The following ANKS1B variants were observed in gnomAD, a reference collection of about 807,000 sequenced individuals.
ANKS1B encodes ankyrin repeat and sterile alpha motif domain-containing protein 1B.
In ANKS1B, 36 loss-of-function variants were observed where a neutral mutation model predicts 148.3. The observed-to-expected ratio is 0.24, with a 90% CI of 0.19 to 0.32. ANKS1B has a LOEUF of 0.32. Ranked by LOEUF, ANKS1B falls within the 10% of genes least tolerant of loss-of-function variation. ANKS1B has a pLI of 1.00. For missense variants in ANKS1B, 1,157 were observed against 1,542.6 expected (o/e 0.75, Z 4.19); for synonymous variants, 542 against 560.8 (o/e 0.97, Z 0.47).
chr12:98,804,350 T>C (rs904311006), intron 20 of ANKS1B, among the ~76,000 whole-genome samples: 8 of 152,018 alleles, frequency 5.3e-5, no homozygotes, highest in Non-Finnish European at 8.8e-5. Flanking sequence ...GTTCTTAAGA[T>C]TGAATTTATT....
At chr12:99,244,489 T>G (rs1213326775) in intron 13 of ANKS1B, 75 bp from the exon 14 acceptor site, 10 of 991,124 alleles carry the variant, frequency 1.0e-5, no homozygotes, top group Non-Finnish European at 1.2e-5. Flanking sequence ...AAGTTTCAAA[T>G]GAAGGGAGCA....
intron 12 of ANKS1B, among the ~76,000 whole-genome samples, chr12:99,260,451 T>G (rs2075802934): frequency 6.6e-6 from 1 of 152,182 alleles, no homozygotes; most frequent in South Asian, 2.1e-4. Flanking sequence ...GCCTAGATTT[T>G]TCTCATACGT....
At chr12:99,525,424 TG>T (rs1268304344) in intron 9 of ANKS1B, among the ~76,000 whole-genome samples, 2 of 152,188 alleles carry the variant, frequency 1.3e-5, no homozygotes, top group Non-Finnish European at 2.9e-5. Flanking sequence ...GTTATCAATT[TG>T]AAAAGAGAAA....
At chr12:99,648,971 G>C (rs935924988) in intron 9 of ANKS1B, among the ~76,000 whole-genome samples, 6 of 152,270 alleles carry the variant, frequency 3.9e-5, no homozygotes, top group African/African-American at 1.4e-4. Context: ...TGCTTCTCCA[G>C]GGTTCTCCAA....
At chr12:99,385,200 G>T (rs2093808377) in intron 12 of ANKS1B, among the ~76,000 whole-genome samples, 1 of 152,208 alleles carries the variant, frequency 6.6e-6, no homozygotes, top group South Asian at 2.1e-4. Context: ...TGAGTGTAGT[G>T]GCTCACGCCT....
chr12:99,934,617 G>C (rs947215335), intron 1 of ANKS1B, among the ~76,000 whole-genome samples: 1 of 152,062 alleles, frequency 6.6e-6, no homozygotes, highest in African/African-American at 2.4e-5. Flanking sequence ...CATAATGTCT[G>C]TTTTTTCATC....
Position 99,251,893 on chromosome 12 carries a change from G to A in ANKS1B, c.1757-5029C>T, listed in dbSNP as rs187878815. Among the ~76,000 whole-genome samples the A allele has an allele frequency of 7.2e-5, 11 of 152,170 alleles. 1 individual carries two copies. Among genetic ancestry groups the A allele is most frequent in the African/African-American group, 1.4e-4 (6 of 41,520 alleles). ...TTTATTTCACAAATATGTATAAAAC[G>A]TTTCCTGTATATCAGGTGGCAAAGT... is the stretch of plus-strand genomic sequence containing the variant. On this transcript the variant is annotated intron_variant, in intron 12 of 26. Transcript: ENST00000683438.
At chr12:99,208,889 G>A (rs901217305) in intron 14 of ANKS1B, among the ~76,000 whole-genome samples, 4 of 152,002 alleles carry the variant, frequency 2.6e-5, no homozygotes, top group Admixed American at 1.3e-4. Context: ...ATACTTTTGT[G>A]AACAAAAGTT....
chr12:99,308,692 A>T (rs963082728), intron 12 of ANKS1B, among the ~76,000 whole-genome samples: 6 of 151,852 alleles, frequency 4.0e-5, no homozygotes, highest in Admixed American at 2.6e-4. Context: ...TATACTGTAA[A>T]TTGAGAGATG....
chr12:99,916,027 G>A (rs1448751509), intron 1 of ANKS1B, among the ~76,000 whole-genome samples: 1 of 152,136 alleles, frequency 6.6e-6, no homozygotes, highest in Non-Finnish European at 1.5e-5. Flanking sequence ...ACCTACCCCA[G>A]TATGATCTCA....
chr12:99,266,834 A>G (rs1016003831), intron 12 of ANKS1B, among the ~76,000 whole-genome samples: 1 of 152,220 alleles, frequency 6.6e-6, no homozygotes, highest in Non-Finnish European at 1.5e-5. Flanking sequence ...CTAAATATTT[A>G]CTGCACAACT....
chr12:99,162,761 A>G (rs1183562887), intron 14 of ANKS1B, among the ~76,000 whole-genome samples: 2 of 152,162 alleles, frequency 1.3e-5, no homozygotes, highest in Non-Finnish European at 2.9e-5. Flanking sequence ...CTCATTTAAC[A>G]TCTTATAAAA....
chr12:99,531,544 T>A (rs2096990851), intron 9 of ANKS1B, among the ~76,000 whole-genome samples: 1 of 152,234 alleles, frequency 6.6e-6, no homozygotes, highest in African/African-American at 2.4e-5. Flanking sequence ...CATAATTTCA[T>A]TCTTTCTTAT....
intron 1 of ANKS1B, among the ~76,000 whole-genome samples, chr12:99,877,243 T>C (rs1302253317): frequency 1.3e-5 from 2 of 152,260 alleles, no homozygotes; most frequent in African/African-American, 4.8e-5. Flanking sequence ...CTTTTTCTAA[T>C]GTTGATTTGC....
intron 14 of ANKS1B, among the ~76,000 whole-genome samples, chr12:99,234,520 G>A (rs973815128): frequency 3.9e-5 from 6 of 152,154 alleles, no homozygotes; most frequent in Non-Finnish European, 7.4e-5. Flanking sequence ...CAGGGCTTAC[G>A]TGTATTTATT....
At chr12:98,789,983 T>C (rs998059064) in intron 22 of ANKS1B, among the ~76,000 whole-genome samples, 4 of 152,192 alleles carry the variant, frequency 2.6e-5, no homozygotes, top group Admixed American at 2.6e-4. Context: ...CAGGGAGGAA[T>C]TTACCACTTC....
chr12:99,261,038 C>T (rs1420250629), intron 12 of ANKS1B, among the ~76,000 whole-genome samples: 1 of 152,120 alleles, frequency 6.6e-6, no homozygotes, highest in African/African-American at 2.4e-5. Flanking sequence ...CTCTTTAACA[C>T]AGGAAGAGAA....
In ANKS1B at chr12:99,178,807, G is replaced by A. The variant is rs79165485; in HGVS notation, c.2420-24412C>T. Among the ~76,000 whole-genome samples the A allele has an allele frequency of 4.8e-3, 726 of 152,074 alleles. 23 individuals carry two copies. In the East Asian group the frequency reaches 0.086, roughly 18 times the overall value. On this transcript the variant is annotated intron_variant, in intron 14 of 26. Coordinates refer to ENST00000683438, the MANE Select transcript of ANKS1B (RefSeq NM_001352186.2). ...TAACAATATTTTTGTAGTTTTAGAC[G>A]TGCTTTAAATAAAATAGTAAGAACA...
At chr12:98,823,056 A>G (rs1383079420) in intron 19 of ANKS1B, among the ~76,000 whole-genome samples, 1 of 152,240 alleles carries the variant, frequency 6.6e-6, no homozygotes, top group Non-Finnish European at 1.5e-5. Context: ...AAGGTGTACA[A>G]TACATCAGGT....
Sources: allele counts gnomAD v4.1 joint callset (sites outside exome capture counted in the v4.1 genomes callset), GRCh38; gene constraint gnomAD v4.1.1; transcripts MANE v1.5; gene names NCBI Gene and HGNC (gene_info 2026-07-23, HGNC 2026-07-21).